PTPRN2: variants seen among roughly 807,000 people sequenced by gnomAD.
PTPRN2 encodes receptor-type tyrosine-protein phosphatase N2.
In PTPRN2, 74 loss-of-function variants were observed where a neutral mutation model predicts 118.8. The ratio of observed to expected loss-of-function variants is 0.62; its 90% CI spans 0.52 to 0.76. The LOEUF (loss-of-function observed/expected upper bound fraction) is 0.76, where lower values mean the gene tolerates loss of function less well. Among genes scored for constraint, PTPRN2 ranks in the 30% least tolerant of loss-of-function variants. The pLI, the probability that PTPRN2 is intolerant of heterozygous loss-of-function variation, is 0.00. For synonymous variants in PTPRN2, 641 were observed against 608.0 expected, an observed-to-expected ratio of 1.05 and a Z score of -0.80; for missense variants, 1,481 against 1,394.4, an observed-to-expected ratio of 1.06 and a Z score of -0.99.
chr7:158,417,785 G>A (rs1402462189), intron 2 of PTPRN2, among the ~76,000 whole-genome samples: 5 of 105,904 alleles, frequency 4.7e-5, no homozygotes, highest in South Asian at 3.8e-4. Flanking sequence ...GTTAAGTCAC[G>A]GTGTACTACA....
intron 12 of PTPRN2, among the ~76,000 whole-genome samples, chr7:157,718,826 G>A (rs528467466): frequency 2.3e-4 from 35 of 151,640 alleles, no homozygotes; most frequent in African/African-American, 7.7e-4. Context: ...CTCAGCTGCC[G>A]CAATCGGTCC....
chr7:158,093,808 T>C lies in PTPRN2; in HGVS notation c.1644-12431A>G, dbSNP rs1318492541. 2.6e-5 allele frequency among the ~76,000 whole-genome samples: 4 copies of C among 152,164 alleles called. No homozygotes were observed. Among genetic ancestry groups the C allele is most frequent in the Non-Finnish European group, 4.4e-5 (3 of 68,030 alleles). ...TCCCAAAATATCTAGCCTAAGAGCT[T>C]ACAAAGGAGGAAGAAGAGAGAACCA... is the stretch of plus-strand genomic sequence containing the variant. On this transcript the variant is annotated intron_variant, in intron 10 of 22. Transcript: ENST00000389418. This position sits in a 1 kb window ranked among gnomAD's most constrained non-coding sequence, Gnocchi z 4.4.
At chr7:157,546,354 G>C (rs2116980056) in intron 22 of PTPRN2, among the ~76,000 whole-genome samples, 2 of 152,318 alleles carry the variant, frequency 1.3e-5, no homozygotes, top group South Asian at 4.1e-4. Flanking sequence ...TGCCATGGTG[G>C]TTTGCCGCAC....
intron 11 of PTPRN2, among the ~76,000 whole-genome samples, chr7:158,053,007 TG>T (rs1221449206): frequency 1.3e-5 from 2 of 152,202 alleles, no homozygotes; most frequent in African/African-American, 2.4e-5. Context: ...CTGCCCAGGC[TG>T]GCCCCCATCG....
At chr7:157,825,208 G>T (rs1013795473) in intron 12 of PTPRN2, among the ~76,000 whole-genome samples, 1 of 152,206 alleles carries the variant, frequency 6.6e-6, no homozygotes, top group Non-Finnish European at 1.5e-5. Context: ...GTTGTGTGCT[G>T]CTTTCAGGGA....
At chr7:158,045,719 C>T (rs957735662) in intron 11 of PTPRN2, among the ~76,000 whole-genome samples, 1 of 152,102 alleles carries the variant, frequency 6.6e-6, no homozygotes, top group African/African-American at 2.4e-5. Context: ...GGCGTCCTGA[C>T]ACTGCCTTGT....
At chr7:157,545,064 T>C (rs950555649) in intron 22 of PTPRN2, among the ~76,000 whole-genome samples, 6 of 145,910 alleles carry the variant, frequency 4.1e-5, no homozygotes, top group Non-Finnish European at 9.0e-5. Flanking sequence ...GTGTGTGCAG[T>C]GTGCATGGGT....
At chr7:158,325,132 CCCA>C (rs1803386439) in intron 2 of PTPRN2, among the ~76,000 whole-genome samples, 1 of 148,188 alleles carries the variant, frequency 6.7e-6, no homozygotes, top group African/African-American at 2.5e-5. Flanking sequence ...TCCTCCAGTC[CCCA>C]CAATTCTCCA....
intron 1 of PTPRN2, among the ~76,000 whole-genome samples, chr7:158,504,871 T>G (rs1822630542): frequency 6.6e-6 from 1 of 152,230 alleles, no homozygotes; most frequent in Admixed American, 6.5e-5. Context: ...CTTGGAGAGA[T>G]CTCTGATTTT....
At chr7:158,146,951 T>A (rs1483420850) in intron 6 of PTPRN2, among the ~76,000 whole-genome samples, 1 of 147,234 alleles carries the variant, frequency 6.8e-6, no homozygotes, top group Non-Finnish European at 1.5e-5. Flanking sequence ...TCTTTCCCCC[T>A]CAATGACACC....
chr7:158,091,118 C>T lies in PTPRN2; in HGVS notation c.1644-9741G>A, dbSNP rs541498286. On this transcript the variant is annotated intron_variant, in intron 10 of 22. Transcript: ENST00000389418. ...TTATTTCTGTATAGTAACGACTATA[C>T]AGTCGATACATAACACAGGCTTATT... is the stretch of plus-strand genomic sequence containing the variant. Among the ~76,000 whole-genome samples, 13 of 152,330 alleles carry T rather than the reference C, an allele frequency of 8.5e-5. No individual in the cohort carries two copies. The South Asian group carries it at 2.5e-3, about 29-fold the overall frequency.
intron 2 of PTPRN2, among the ~76,000 whole-genome samples, chr7:158,340,529 T>A (rs866527260): frequency 2.4e-3 from 285 of 120,618 alleles, no homozygotes; most frequent in African/African-American, 8.9e-3. Flanking sequence ...ATTCTCACCA[T>A]AAGAGCTGTC....
At chr7:158,369,956 A>G (rs868120194) in intron 2 of PTPRN2, among the ~76,000 whole-genome samples, 4 of 152,222 alleles carry the variant, frequency 2.6e-5, no homozygotes, top group African/African-American at 9.6e-5. Context: ...GTGTGGTCTC[A>G]GCGGGCAGGA....
At chr7:157,706,042 G>A (rs752823033) in intron 12 of PTPRN2, among the ~76,000 whole-genome samples, 26 of 150,758 alleles carry the variant, frequency 1.7e-4, no homozygotes, top group East Asian at 4.0e-4. Flanking sequence ...CCAAATCAAC[G>A]TGGACCACAT....
intron 1 of PTPRN2, among the ~76,000 whole-genome samples, chr7:158,561,956 C>A (rs904298027): frequency 5.3e-5 from 8 of 152,200 alleles, no homozygotes; most frequent in Admixed American, 1.3e-4. Context: ...AGGAAGCTCA[C>A]TGAGGGCTGA....
At chr7:157,659,081 G>A (rs1413985620) in intron 13 of PTPRN2, among the ~76,000 whole-genome samples, 2 of 151,840 alleles carry the variant, frequency 1.3e-5, no homozygotes, top group East Asian at 3.9e-4. Flanking sequence ...AAAGATGTCT[G>A]CCAAGCCCAC....
rs1375621288 is a variant in PTPRN2 at position 158,203,732 on chromosome 7, GC to G, written c.380+1438del. Among the ~76,000 whole-genome samples the G allele has an allele frequency of 7.9e-5, 12 of 152,260 alleles. 1 individual carries two copies. In the East Asian group the frequency reaches 1.4e-3, roughly 17 times the overall value. ...CAAGGTCATTGGGGCAGTGCACAAC[GC>G]CCCCAGTGGAATTTAGAGAGGAGTA... is the stretch of plus-strand genomic sequence containing the variant. On this transcript the variant is annotated intron_variant, in intron 4 of 22. Coordinates refer to ENST00000389418, the MANE Select transcript of PTPRN2 (RefSeq NM_002847.5).
intron 12 of PTPRN2, among the ~76,000 whole-genome samples, chr7:157,850,075 A>C (rs3952723): frequency 0.75 from 114,139 of 152,218 alleles, 43,031 homozygotes; most frequent in East Asian, 0.96. Flanking sequence ...ATTGCCAGAT[A>C]AAATTTGCTT....
chr7:157,664,815 A>C (rs1796057559), intron 13 of PTPRN2, among the ~76,000 whole-genome samples: 1 of 152,342 alleles, frequency 6.6e-6, no homozygotes, highest in South Asian at 2.1e-4. Context: ...TTTGAGCAAA[A>C]GATAATTTAT....
Sources: gnomAD v4.1 joint callset for allele counts (sites outside exome capture counted in the v4.1 genomes callset) on GRCh38, gnomAD v4.1.1 for gene constraint, Gnocchi (gnomAD v3.1) non-coding constraint, MANE v1.5 for transcripts, NCBI Gene and HGNC (gene_info 2026-07-23, HGNC 2026-07-21) for gene names.